Variants in VAV2 observed in about 807,000 individuals in gnomAD.
VAV2 encodes guanine nucleotide exchange factor VAV2.
A neutral mutation model predicts 132.5 loss-of-function variants in VAV2; 67 were observed. The observed-to-expected ratio is 0.51, with a 90% CI of 0.42 to 0.62. The LOEUF is 0.62. VAV2 is among the 20% of genes least tolerant of loss of function. The pLI is 0.00. For synonymous variants in VAV2, 492 were observed against 443.5 expected (o/e 1.11, Z -1.37); for missense variants, 938 against 1,153.6 (o/e 0.81, Z 2.71).
At chr9:133,985,982 G>C (rs1842846251) in intron 1 of VAV2, among the ~76,000 whole-genome samples, 1 of 152,026 alleles carries the variant, frequency 6.6e-6, no homozygotes, top group African/African-American at 2.4e-5. Flanking sequence ...TGGATGAGAA[G>C]AAAAGGAAGA....
intron 1 of VAV2, among the ~76,000 whole-genome samples, chr9:133,972,481 T>C (rs1331623405): frequency 2.3e-5 from 1 of 43,516 alleles, no homozygotes; most frequent in Non-Finnish European, 4.3e-5. Context: ...CCCATGTCAT[T>C]ATTAAAGGCA....
In VAV2 at chr9:133,783,493, G is replaced by GA. The variant is rs1376133410; in HGVS notation, c.1723+9_1723+10insT. 3 of 1,606,844 alleles carry GA rather than the reference G, an allele frequency of 1.9e-6. No homozygotes were observed. Among genetic ancestry groups the GA allele is most frequent in the Non-Finnish European group, 2.6e-6 (3 of 1,175,600 alleles). ...AGGGACTGGGGTGGGGGGGTGAGGG[G>GA]GGTACTCACTGAACTTGCAGGGAGG... On this transcript the variant is annotated intron_variant, in intron 19 of 29. Coordinates refer to ENST00000371850, the MANE Select transcript of VAV2 (RefSeq NM_001134398.2).
intron 1 of VAV2, among the ~76,000 whole-genome samples, chr9:133,945,859 ACAG>A (rs1841339648): frequency 6.6e-6 from 1 of 152,202 alleles, no homozygotes; most frequent in African/African-American, 2.4e-5. Flanking sequence ...TGCAGACCCC[ACAG>A]CAGGTGCTCC....
chr9:133,767,941 C>T (rs1833489926), intron 29 of VAV2, among the ~76,000 whole-genome samples: 1 of 152,158 alleles, frequency 6.6e-6, no homozygotes, highest in Non-Finnish European at 1.5e-5. Flanking sequence ...CCAGGGCACT[C>T]TTAGGCCCAC....
At chr9:133,958,642 C>A (rs1427467511) in intron 1 of VAV2, among the ~76,000 whole-genome samples, 2 of 151,638 alleles carry the variant, frequency 1.3e-5, no homozygotes, top group African/African-American at 4.8e-5. Context: ...CCCCTTATTT[C>A]TTTCTCTATA....
intron 2 of VAV2, among the ~76,000 whole-genome samples, chr9:133,888,649 C>T (rs775113590): frequency 1.3e-5 from 2 of 152,194 alleles, no homozygotes; most frequent in Non-Finnish European, 2.9e-5. Context: ...TCAGCCTCAT[C>T]GTGGACACGA....
Position 133,788,353 on chromosome 9 carries a change from C to T in VAV2, c.1407+1G>A. On this transcript the variant is annotated splice_donor_variant, in intron 15 of 29. Transcript: ENST00000371850. LOFTEE classifies it high-confidence loss of function. The surrounding 1 kb of genome is among the most constrained non-coding windows in gnomAD (Gnocchi z 5.3). ...AGCAGGGGGGACCCGGAAGGCCCCA[C>T]CTTCTTGACGTCCTTGTTGTTCATG... The T allele has an allele frequency of 6.2e-7, 1 of 1,603,126 alleles. No individual in the cohort carries two copies. The highest frequency in any genetic ancestry group is 8.5e-7 in the Non-Finnish European group (1 of 1,170,824).
chr9:133,807,294 G>T lies in VAV2; in HGVS notation c.699C>A (p.Ser233Arg). Residue 233 changes from serine to arginine, a missense_variant, in exon 8 of 30, where the codon AGC becomes AGA. By Grantham distance (110) the Ser-to-Arg change is moderately radical. Transcript: ENST00000371850. ...TGAAGACAGCTGCCATGTCCGCCGGGCTCAGCACCAGCCGCAGGGGGCTCA... is the reference window on the plus strand; with the variant it reads ...TGAAGACAGCTGCCATGTCCGCCGGTCTCAGCACCAGCCGCAGGGGGCTCA... ...NYMSPLRLVL[S>R]PADMAAVFIN... The T allele has an allele frequency of 6.2e-7, 1 of 1,611,172 alleles. No individual in the cohort carries two copies. Among genetic ancestry groups the T allele is most frequent in the Non-Finnish European group, 8.5e-7 (1 of 1,179,326 alleles).
intron 1 of VAV2, among the ~76,000 whole-genome samples, chr9:133,952,578 G>A (rs1159895509): frequency 6.6e-6 from 1 of 150,848 alleles, no homozygotes; most frequent in Non-Finnish European, 1.5e-5. Flanking sequence ...ACTCCAGCCT[G>A]GGCAAAAGAG....
intron 3 of VAV2, among the ~76,000 whole-genome samples, chr9:133,844,711 C>T (rs1836861578): frequency 6.6e-6 from 1 of 152,236 alleles, no homozygotes; most frequent in Non-Finnish European, 1.5e-5. Context: ...TGGGGACCCT[C>T]GGCCGAGCTC....
intron 4 of VAV2, among the ~76,000 whole-genome samples, chr9:133,822,541 C>T (rs1341224285): frequency 6.6e-6 from 1 of 152,154 alleles, no homozygotes. Context: ...TCTCACACGC[C>T]CTGGCAGACC....
At chr9:133,779,962 C>T (rs1221167391) in intron 20 of VAV2, 23 bp from the exon 21 acceptor site, 1 of 1,612,092 alleles carries the variant, frequency 6.2e-7, no homozygotes, top group Non-Finnish European at 8.5e-7. Flanking sequence ...GGACAGAACA[C>T]AGAGATGAGG....
chr9:133,967,523 T>C (rs1842183593), intron 1 of VAV2, among the ~76,000 whole-genome samples: 1 of 152,136 alleles, frequency 6.6e-6, no homozygotes, highest in Non-Finnish European at 1.5e-5. Flanking sequence ...AAATGTGACA[T>C]ATATACACAA....
In VAV2 at chr9:133,787,329, G is replaced by A. The variant is rs952188724; in HGVS notation, c.1408-69C>T. On this transcript the variant is annotated intron_variant, in intron 15 of 29. Coordinates refer to ENST00000371850, the MANE Select transcript of VAV2 (RefSeq NM_001134398.2). ...GAGGCTAAGCCCGGCCCTGTGGTGG[G>A]TGCCGCAGTGTGGAGGCGCCAGGAG... 9 of 1,469,930 alleles carry A rather than the reference G, an allele frequency of 6.1e-6. No individual in the cohort carries two copies. The Admixed American group carries it at 8.9e-5, about 15-fold the overall frequency. The allele number at this position is 1,469,930 out of a possible 1,614,324, so 91.1% of individuals were successfully genotyped here.
intron 1 of VAV2, 100 bp from the exon 2 acceptor site, chr9:133,939,319 C>CTGGCGCACGGAA: frequency 1.9e-6 from 2 of 1,036,794 alleles, no homozygotes; most frequent in Non-Finnish European, 3.0e-6. Context: ...GGCTTCCGTG[C>CTGGCGCACGGAA]GCCAGCACAT....
At chr9:133,851,664 GTGGATGGATGGA>G (rs144389638) in intron 3 of VAV2, among the ~76,000 whole-genome samples, 15 of 151,152 alleles carry the variant, frequency 9.9e-5, no homozygotes, top group Middle Eastern at 6.8e-3. Flanking sequence ...GGACAGAAGG[GTGGATGGATGGA>G]TGGATGGATG....
rs1835188238 is a variant in VAV2 at position 133,807,315 on chromosome 9, G to T, written c.678C>A (p.Ser226Arg). ...CCGGGCTCAGCACCAGCCGCAGGGG[G>T]CTCATGTAGTTCTGGAAGAGAGAAG... ...TLEDIEKNYMSPLRLVLSPAD... is the reference protein window; with the variant it reads ...TLEDIEKNYMRPLRLVLSPAD... Residue 226 changes from serine (S) to arginine (R), a missense_variant, in exon 8 of 30, where the codon AGC becomes AGA. Coordinates refer to ENST00000371850, the MANE Select transcript of VAV2 (RefSeq NM_001134398.2). The T allele has an allele frequency of 6.2e-7, 1 of 1,610,462 alleles. No individual in the cohort carries two copies. Among genetic ancestry groups the T allele is most frequent in the African/African-American group, 1.3e-5 (1 of 74,974 alleles).
At chr9:133,915,825 C>CGAT (rs55985957) in intron 2 of VAV2, among the ~76,000 whole-genome samples, 128,496 of 143,714 alleles carry the variant, frequency 0.89, 58,289 homozygotes, top group Non-Finnish European at 0.98. Flanking sequence ...CACTCACACA[C>CGAT]GCACACGTGC....
At chr9:133,952,455 T>G (rs551593320) in intron 1 of VAV2, among the ~76,000 whole-genome samples, 2 of 151,876 alleles carry the variant, frequency 1.3e-5, no homozygotes, top group South Asian at 4.2e-4. Context: ...TACAAAAAAT[T>G]AGCCAGGCAT....
Sources: allele counts gnomAD v4.1 joint callset (sites outside exome capture counted in the v4.1 genomes callset), GRCh38; gene constraint gnomAD v4.1.1; non-coding constraint Gnocchi (gnomAD v3.1); transcripts MANE v1.5; gene names NCBI Gene and HGNC (gene_info 2026-07-23, HGNC 2026-07-21).